Variants in HPR observed in about 807,000 individuals in gnomAD.
The protein encoded by HPR is Haptoglobin-related locus.
In HPR, 17 loss-of-function variants were observed where a neutral mutation model predicts 18.5. That is an observed-to-expected ratio of 0.92 (90% CI 0.63 to 1.38). The LOEUF is 1.38. Ranked by LOEUF, HPR falls within the 40% of genes most tolerant of loss-of-function variation. The probability of loss-of-function intolerance (pLI) is 0.00; values close to 1 mark genes in which losing one functional copy is unlikely to be tolerated. For synonymous variants in HPR, 176 were observed against 165.0 expected (o/e 1.07, Z -0.51); for missense variants, 457 against 432.4 (o/e 1.06, Z -0.51).
At chr16:72,072,628 T>C (rs543486730) in intron 1 of HPR, among the ~76,000 whole-genome samples, 1 of 152,260 alleles carries the variant, frequency 6.6e-6, no homozygotes, top group South Asian at 2.1e-4. Flanking sequence ...TCAATCCTCA[T>C]GTCTCTTGCC....
chr16:72,073,501 AG>A (rs2144072723), intron 1 of HPR, among the ~76,000 whole-genome samples: 1 of 152,214 alleles, frequency 6.6e-6, no homozygotes, highest in Non-Finnish European at 1.5e-5. Context: ...GGGGTGACTG[AG>A]GGAGGTTTCT....
intron 1 of HPR, chr16:72,073,679 G>T: frequency 6.9e-7 from 1 of 1,446,956 alleles, no homozygotes; most frequent in Non-Finnish European, 9.2e-7. Context: ...CAGCTAAAGC[G>T]TGTATGTGGG....
intron 1 of HPR, among the ~76,000 whole-genome samples, chr16:72,073,563 C>T (rs573150574): frequency 1.3e-5 from 2 of 152,110 alleles, no homozygotes; most frequent in African/African-American, 2.4e-5. Flanking sequence ...CTGACTGCAG[C>T]CAGAAACTGA....
At chr16:72,071,225 G>A (rs965110229) in intron 1 of HPR, among the ~76,000 whole-genome samples, 34 of 152,126 alleles carry the variant, frequency 2.2e-4, no homozygotes, top group African/African-American at 7.7e-4. Flanking sequence ...CTAAAGTAAC[G>A]GTTGTAAAGG....
intron 1 of HPR, among the ~76,000 whole-genome samples, chr16:72,071,101 A>C (rs1303970374): frequency 6.6e-6 from 1 of 152,204 alleles, no homozygotes; most frequent in African/African-American, 2.4e-5. Flanking sequence ...CCACTGGTTA[A>C]CAATGATAAT....
At chr16:72,074,141 T>G (rs1437887460) in intron 2 of HPR, 143 bp from the exon 3 acceptor site, 3 of 1,248,676 alleles carry the variant, frequency 2.4e-6, no homozygotes, top group Non-Finnish European at 3.5e-6. Flanking sequence ...CTGCCAGAAA[T>G]GAGGGGAGCT....
intron 1 of HPR, among the ~76,000 whole-genome samples, chr16:72,063,666 G>A (rs536234434): frequency 6.6e-6 from 1 of 152,260 alleles, no homozygotes; most frequent in East Asian, 1.9e-4. Flanking sequence ...ATACACACTA[G>A]TACCTGGGAT....
chr16:72,067,946 C>A (rs556042925), intron 1 of HPR, among the ~76,000 whole-genome samples: 5 of 152,258 alleles, frequency 3.3e-5, no homozygotes, highest in Non-Finnish European at 7.4e-5. Flanking sequence ...GCTTTTTGGG[C>A]ATGTCCCTGG....
Position 72,076,861 on chromosome 16 carries a change from T to G in HPR, c.827T>G (p.Leu276Arg). The change falls in exon 5 of 5, where the codon CTG (leucine) becomes CGG (arginine). Residue 276 changes from leucine (L) to arginine (R), a missense_variant. Leu to Arg is a moderately radical substitution (Grantham distance 102). Coordinates refer to ENST00000540303, the MANE Select transcript of HPR (RefSeq NM_020995.4). ...PKSPVGVQPILNEHTFCVGMS... is the reference protein window; with the variant it reads ...PKSPVGVQPIRNEHTFCVGMS... ...AGCCCTGTAGGGGTGCAGCCCATAC[T>G]GAACGAACACACCTTCTGTGTCGGC... 1 of 1,614,244 alleles carries G rather than the reference T, an allele frequency of 6.2e-7. No individual in the cohort carries two copies. Among genetic ancestry groups the G allele is most frequent in the Non-Finnish European group, 8.5e-7 (1 of 1,180,046 alleles).
chr16:72,064,992 A>G (rs1345824352), intron 1 of HPR, among the ~76,000 whole-genome samples: 1 of 152,186 alleles, frequency 6.6e-6, no homozygotes, highest in African/African-American at 2.4e-5. Flanking sequence ...TGCGCAGACC[A>G]AGGTAAGAAA....
chr16:72,075,817 T>C (rs893730059), intron 4 of HPR, among the ~76,000 whole-genome samples: 2 of 151,858 alleles, frequency 1.3e-5, no homozygotes, highest in African/African-American at 4.8e-5. Flanking sequence ...CCTAGCCCTT[T>C]CTTTTTTCTT....
rs938706696 is a variant in HPR, at chr16:72,069,332, C to T, written c.6-4560C>T. ...AAGAAATAGCTATTGTCCGTGTACC[C>T]GGGCACCAGAAAAGCCTTTCTTTTG... On this transcript the variant is annotated intron_variant, in intron 1 of 4. Coordinates refer to ENST00000540303, the MANE Select transcript of HPR (RefSeq NM_020995.4). Among the ~76,000 whole-genome samples the T allele has an allele frequency of 5.9e-5, 9 of 152,140 alleles. No homozygotes were observed. The South Asian group carries it at 6.2e-4, about 10-fold the overall frequency.
intron 1 of HPR, among the ~76,000 whole-genome samples, chr16:72,071,473 G>A (rs1328850251): frequency 6.6e-6 from 1 of 152,162 alleles, no homozygotes. Flanking sequence ...GACAAATCAT[G>A]TCAAGCTCTT....
At chr16:72,074,107 G>C in intron 2 of HPR, 130 bp downstream of exon 2, 1 of 1,368,708 alleles carries the variant, frequency 7.3e-7, no homozygotes, top group South Asian at 1.2e-5. Context: ...TGGGCTTTCA[G>C]GACTGCCAAG....
chr16:72,076,886 C>T lies in HPR; in HGVS notation c.852C>T (p.Gly284=), dbSNP rs781725202. Residue 284 remains glycine (G), a synonymous_variant, in exon 5 of 5, where the codon GGC becomes GGT. Coordinates refer to ENST00000540303, the MANE Select transcript of HPR (RefSeq NM_020995.4). The part of the protein sequence containing the change: ...PILNEHTFCV[G]MSKYQEDTCY... ...TGAACGAACACACCTTCTGTGTCGG[C>T]ATGTCTAAGTACCAGGAAGACACCT... The T allele has an allele frequency of 2.4e-5, 39 of 1,614,086 alleles. No individual in the cohort carries two copies. The highest frequency in any genetic ancestry group is 1.8e-5 in the Non-Finnish European group (21 of 1,180,042).
intron 1 of HPR, among the ~76,000 whole-genome samples, chr16:72,069,849 G>C (rs2041636853): frequency 6.6e-6 from 1 of 152,110 alleles, no homozygotes; most frequent in Non-Finnish European, 1.5e-5. Flanking sequence ...AGTAATAATA[G>C]ACCACTTTAC....
chr16:72,071,228 T>C (rs2041652209), intron 1 of HPR, among the ~76,000 whole-genome samples: 1 of 152,156 alleles, frequency 6.6e-6, no homozygotes, highest in Non-Finnish European at 1.5e-5. Flanking sequence ...AAGTAACGGT[T>C]GTAAAGGTAA....
chr16:72,068,592 C>T (rs1050282436), intron 1 of HPR, among the ~76,000 whole-genome samples: 10 of 152,124 alleles, frequency 6.6e-5, no homozygotes, highest in African/African-American at 1.7e-4. Context: ...TTTTCGTCAG[C>T]GTGAAAAATG....
At position 72,074,277 on chromosome 16, in the gene HPR, T is replaced by G. The variant is rs1244263673; in HGVS notation, c.92-7T>G. On this transcript the variant is annotated splice_region_variant and splice_polypyrimidine_tract_variant and intron_variant, in intron 2 of 4. Coordinates refer to ENST00000540303, the MANE Select transcript of HPR (RefSeq NM_020995.4). ...TGGTAAACTCTCTGGCTTCTCTCTC[T>G]TTGCAGATGACCGCTTCCCGAAGCC... 1.9e-6 allele frequency: 3 copies of G among 1,612,236 alleles called. No homozygotes were observed. The highest frequency in any genetic ancestry group is 2.5e-6 in the Non-Finnish European group (3 of 1,178,462).
Sources: gnomAD v4.1 joint callset for allele counts (sites outside exome capture counted in the v4.1 genomes callset) on GRCh38, gnomAD v4.1.1 for gene constraint, MANE v1.5 for transcripts, NCBI Gene and HGNC (gene_info 2026-07-23, HGNC 2026-07-21) for gene names.